Variants in FOXP2 observed in about 807,000 individuals in gnomAD.
The protein encoded by FOXP2 is forkhead box protein P2.
FOXP2 carries 12 observed loss-of-function variants against 115.8 expected under a neutral mutation model. The observed-to-expected ratio is 0.10, with a 90% CI of 0.07 to 0.17. The LOEUF (loss-of-function observed/expected upper bound fraction) is 0.17. Ranked by LOEUF, FOXP2 falls within the 10% of genes least tolerant of loss-of-function variation. FOXP2 has a pLI of 1.00. For missense variants in FOXP2, 629 were observed against 843.5 expected, an observed-to-expected ratio of 0.75 and a Z score of 3.15; for synonymous variants, 328 against 297.7, an observed-to-expected ratio of 1.10 and a Z score of -1.05.
intron 1 of FOXP2, among the ~76,000 whole-genome samples, chr7:114,096,008 G>T (rs2129139900): frequency 6.6e-6 from 1 of 152,078 alleles, no homozygotes; most frequent in South Asian, 2.1e-4. Context: ...CTTCCCTTTG[G>T]GTCTGCCAAA....
intron 5 of FOXP2, among the ~76,000 whole-genome samples, 187 bp from the exon 6 acceptor site, chr7:114,631,341 G>T (rs1041606270): frequency 6.6e-6 from 1 of 152,044 alleles, no homozygotes; most frequent in Non-Finnish European, 1.5e-5. Flanking sequence ...TCTCTAACAC[G>T]ATTTAATAAT....
chr7:114,343,172 C>T (rs1325657806), intron 2 of FOXP2, among the ~76,000 whole-genome samples: 1 of 151,490 alleles, frequency 6.6e-6, no homozygotes, highest in African/African-American at 2.4e-5. Context: ...AATTACAGCA[C>T]ATTTTTTTTC....
intron 2 of FOXP2, among the ~76,000 whole-genome samples, chr7:114,505,525 A>G (rs1797764402): frequency 6.6e-6 from 1 of 151,298 alleles, no homozygotes; most frequent in Admixed American, 6.6e-5. Context: ...TTTCAGTAGT[A>G]TTTAGAGATC....
chr7:114,307,037 G>T (rs1025532232), intron 2 of FOXP2, among the ~76,000 whole-genome samples: 2 of 151,960 alleles, frequency 1.3e-5, no homozygotes, highest in African/African-American at 4.8e-5. Flanking sequence ...ATTCCTTTTT[G>T]CTATGTAACA....
chr7:114,479,383 T>C (rs1796424469), intron 2 of FOXP2, among the ~76,000 whole-genome samples: 1 of 151,544 alleles, frequency 6.6e-6, no homozygotes, highest in Non-Finnish European at 1.5e-5. Context: ...ATGCTGTGTG[T>C]TACGCTTGGT....
At chr7:114,582,650 T>A (rs1801927802) in intron 3 of FOXP2, among the ~76,000 whole-genome samples, 1 of 152,206 alleles carries the variant, frequency 6.6e-6, no homozygotes, top group African/African-American at 2.4e-5. Context: ...CATAAATTAT[T>A]TTATGAAACA....
rs570244408 is a variant in FOXP2 at position 114,480,212 on chromosome 7, G to A, written c.168+53533G>A. On this transcript the variant is annotated intron_variant, in intron 2 of 16. Coordinates refer to ENST00000350908, the MANE Select transcript of FOXP2 (RefSeq NM_014491.4). ...ATTGCCTGCCTCAAACTAATAAAGGGCCACTTAGACACTTGCCAAGGGTAA... is the reference window on the plus strand; with the variant it reads ...ATTGCCTGCCTCAAACTAATAAAGGACCACTTAGACACTTGCCAAGGGTAA... Among the ~76,000 whole-genome samples the A allele has an allele frequency of 5.3e-5, 8 of 151,416 alleles. No individual in the cohort carries two copies. In the East Asian group the frequency reaches 1.2e-3, roughly 22 times the overall value.
intron 1 of FOXP2, among the ~76,000 whole-genome samples, chr7:114,228,293 T>G (rs192067685): frequency 1.8e-4 from 28 of 152,134 alleles, no homozygotes; most frequent in African/African-American, 6.7e-4. Context: ...ACTCTAGTAG[T>G]AAAGAACAGA....
chr7:114,610,641 C>T (rs890547372), intron 3 of FOXP2, among the ~76,000 whole-genome samples: 2 of 151,820 alleles, frequency 1.3e-5, no homozygotes, highest in African/African-American at 4.8e-5. Flanking sequence ...AGATGAAAGA[C>T]GCCCAGTAAC....
chr7:114,293,294 T>A (rs1796655320), intron 2 of FOXP2, among the ~76,000 whole-genome samples: 1 of 152,142 alleles, frequency 6.6e-6, no homozygotes, highest in African/African-American at 2.4e-5. Flanking sequence ...TCTCTCTCTG[T>A]TTCTGTCTCT....
chr7:114,660,285 G>A (rs769673231), intron 13 of FOXP2, among the ~76,000 whole-genome samples: 2 of 152,154 alleles, frequency 1.3e-5, no homozygotes, highest in African/African-American at 2.4e-5. Flanking sequence ...TTAGTTCTAT[G>A]CATCTATTTT....
chr7:114,446,411 A>C (rs2129215494), intron 2 of FOXP2, among the ~76,000 whole-genome samples: 1 of 152,138 alleles, frequency 6.6e-6, no homozygotes, highest in South Asian at 2.1e-4. Flanking sequence ...TATAGAGAGT[A>C]AATAAAACAG....
chr7:114,491,993 C>A (rs1461031655), intron 2 of FOXP2, among the ~76,000 whole-genome samples: 1 of 152,182 alleles, frequency 6.6e-6, no homozygotes, highest in African/African-American at 2.4e-5. Flanking sequence ...ATGGTACCAG[C>A]TCCTCCTTAT....
At chr7:114,340,094 A>C (rs1249271712) in intron 2 of FOXP2, among the ~76,000 whole-genome samples, 1 of 151,164 alleles carries the variant, frequency 6.6e-6, no homozygotes, top group Non-Finnish European at 1.5e-5. Context: ...AACCTCCAAA[A>C]CCATTTAAAC....
intron 6 of FOXP2, among the ~76,000 whole-genome samples, chr7:114,632,162 A>C (rs1236013087): frequency 6.6e-6 from 1 of 152,222 alleles, no homozygotes; most frequent in Non-Finnish European, 1.5e-5. Flanking sequence ...AGGCTTCATG[A>C]ATTTCTATAG....
At chr7:114,327,014 C>A (rs1441800240) in intron 2 of FOXP2, among the ~76,000 whole-genome samples, 2 of 152,096 alleles carry the variant, frequency 1.3e-5, no homozygotes, top group African/African-American at 4.8e-5. Context: ...TTGTTAATAA[C>A]CTTTCATCCT....
intron 2 of FOXP2, among the ~76,000 whole-genome samples, chr7:114,377,875 C>T (rs1021425590): frequency 5.9e-5 from 9 of 152,174 alleles, no homozygotes; most frequent in African/African-American, 1.9e-4. Flanking sequence ...TCACTTTATT[C>T]CACACATCAA....
intron 1 of FOXP2, among the ~76,000 whole-genome samples, chr7:114,243,075 C>T (rs1795194589): frequency 6.6e-6 from 1 of 152,026 alleles, no homozygotes; most frequent in African/African-American, 2.4e-5. Flanking sequence ...TGTATCCATA[C>T]TACATTGTAT....
At chr7:114,345,566 T>C (rs1791326781) in intron 2 of FOXP2, among the ~76,000 whole-genome samples, 1 of 151,830 alleles carries the variant, frequency 6.6e-6, no homozygotes, top group African/African-American at 2.4e-5. Flanking sequence ...GTTCATGTTC[T>C]GAATTTCTTT....
Sources: gnomAD v4.1 joint callset for allele counts (sites outside exome capture counted in the v4.1 genomes callset) on GRCh38, gnomAD v4.1.1 for gene constraint, MANE v1.5 for transcripts, NCBI Gene and HGNC (gene_info 2026-07-23, HGNC 2026-07-21) for gene names.